SPAG1: variants seen among roughly 807,000 people sequenced by gnomAD.
The protein encoded by SPAG1 is sperm associated antigen 1, also known as sperm-associated antigen 1.
In SPAG1, 69 loss-of-function variants were observed where a neutral mutation model predicts 100.5. The ratio of observed to expected loss-of-function variants is 0.69; its 90% CI spans 0.57 to 0.84. The LOEUF (loss-of-function observed/expected upper bound fraction) is 0.84, where lower values mean the gene tolerates loss of function less well. SPAG1 is among the 40% of genes least tolerant of loss of function. The probability of loss-of-function intolerance (pLI) is 0.00; values close to 1 mark genes in which losing one functional copy is unlikely to be tolerated. For missense variants in SPAG1, 955 were observed against 1,133.1 expected, an observed-to-expected ratio of 0.84 and a Z score of 2.26; for synonymous variants, 336 against 411.6, an observed-to-expected ratio of 0.82 and a Z score of 2.22.
intron 13 of SPAG1, among the ~76,000 whole-genome samples, chr8:100,221,542 C>T (rs147784634): frequency 6.6e-6 from 1 of 152,060 alleles, no homozygotes. Context: ...TACACTGTAC[C>T]CCATGCTAGT....
intron 3 of SPAG1, among the ~76,000 whole-genome samples, chr8:100,176,838 C>CCTCTT (rs1320532184): frequency 2.9e-5 from 4 of 137,378 alleles, no homozygotes; most frequent in African/African-American, 7.7e-5. Context: ...CCTCTCCTCT[C>CCTCTT]CTCTTCTCTC....
chr8:100,224,346 A>G (rs973969947), intron 13 of SPAG1, among the ~76,000 whole-genome samples: 18 of 152,204 alleles, frequency 1.2e-4, no homozygotes, highest in African/African-American at 4.8e-5. Context: ...GTTTGAGACC[A>G]GACCGGCCAA....
At chr8:100,190,387 C>T (rs1816763970) in intron 8 of SPAG1, among the ~76,000 whole-genome samples, 2 of 151,152 alleles carry the variant, frequency 1.3e-5, no homozygotes, top group African/African-American at 4.9e-5. Flanking sequence ...TGACTTATTA[C>T]ACAAAGTTCT....
intron 4 of SPAG1, among the ~76,000 whole-genome samples, chr8:100,179,228 C>G (rs1313955816): frequency 6.6e-6 from 1 of 151,898 alleles, no homozygotes; most frequent in Admixed American, 6.6e-5. Context: ...ACTAAAAATA[C>G]AAAAATTAGC....
In SPAG1 at chr8:100,234,209, AT is replaced by A. The variant is rs556871415; in HGVS notation, c.2115+678del. On this transcript the variant is annotated intron_variant, in intron 16 of 18. Coordinates refer to ENST00000388798, the MANE Select transcript of SPAG1 (RefSeq NM_003114.5). ...TTGGAAAATAGTACTTCCTGAAATA[AT>A]TTTTTAAGCTCAATTTTATTAAGGT... Among the ~76,000 whole-genome samples, 56 of 152,254 alleles carry A rather than the reference AT, an allele frequency of 3.7e-4. No homozygotes were observed. In the Middle Eastern group the frequency reaches 0.01, roughly 28 times the overall value.
At chr8:100,168,954 G>A (rs1430754479) in intron 3 of SPAG1, among the ~76,000 whole-genome samples, 4 of 151,284 alleles carry the variant, frequency 2.6e-5, no homozygotes, top group South Asian at 2.1e-4. Context: ...CCCAAAGTGC[G>A]GGGATTACAG....
intron 12 of SPAG1, among the ~76,000 whole-genome samples, chr8:100,219,248 A>G (rs950349912): frequency 6.6e-6 from 1 of 152,238 alleles, no homozygotes; most frequent in African/African-American, 2.4e-5. Flanking sequence ...AAGTTAAAGA[A>G]AGCAGCCCTT....
intron 1 of SPAG1, 141 bp from the exon 2 acceptor site, chr8:100,162,138 G>A (rs1815335670): frequency 1.6e-6 from 1 of 612,098 alleles, no homozygotes; most frequent in African/African-American, 1.9e-5. Context: ...AGACCAGCCT[G>A]GGCAACATAG....
intron 10 of SPAG1, among the ~76,000 whole-genome samples, chr8:100,196,447 T>C (rs1405909500): frequency 6.6e-6 from 1 of 152,222 alleles, no homozygotes; most frequent in Non-Finnish European, 1.5e-5. Context: ...TCATCAGTTT[T>C]AATTTGCATT....
Position 100,190,707 on chromosome 8 carries a change from C to T in SPAG1, c.833-683C>T, listed in dbSNP as rs183726138. ...GGAGACAGAGTCTTGCTCTGTCACC[C>T]AGGCTGGAGTACAGTGGCACAATCT... On this transcript the variant is annotated intron_variant, in intron 8 of 18. Transcript: ENST00000388798. Among the ~76,000 whole-genome samples the T allele has an allele frequency of 3.9e-3, 586 of 148,432 alleles. 3 individuals carry two copies. Among genetic ancestry groups the T allele is most frequent in the African/African-American group, 0.014 (545 of 40,020 alleles).
At chr8:100,188,517 A>G (rs947627036) in intron 8 of SPAG1, among the ~76,000 whole-genome samples, 2 of 152,186 alleles carry the variant, frequency 1.3e-5, no homozygotes, top group Non-Finnish European at 2.9e-5. Context: ...TCTAAATTAA[A>G]TTTGTCCAAA....
At position 100,239,377 on chromosome 8, in the gene SPAG1, G is replaced by A. The variant is rs1819153230; in HGVS notation, c.2253G>A (p.Lys751=). 1 of 1,605,412 alleles carries A rather than the reference G, an allele frequency of 6.2e-7. No homozygotes were observed. The highest frequency in any genetic ancestry group is 1.3e-5 in the African/African-American group (1 of 74,704). The change falls in exon 17 of 19, where the codon AAG becomes AAA. Residue 751 remains lysine, a synonymous_variant. Transcript: ENST00000388798. The surrounding 1 kb of genome is among the most constrained non-coding windows in gnomAD (Gnocchi z 5.0). ...AGACAGCACCATTCAACAAAGAAAA[G>A]GAGAGAAGGAAAATTGAGATTCAAG... ...KDKTAPFNKE[K]ERRKIEIQEV...
intron 11 of SPAG1, 81 bp downstream of exon 11, chr8:100,213,509 G>C (rs1364801851): frequency 9.1e-7 from 1 of 1,104,152 alleles, no homozygotes; most frequent in Non-Finnish European, 1.2e-6. Context: ...TGGGAGAGGC[G>C]CTGCCGCCTC....
chr8:100,188,103 C>T (rs1816662878), intron 8 of SPAG1, among the ~76,000 whole-genome samples: 1 of 152,150 alleles, frequency 6.6e-6, no homozygotes. Flanking sequence ...GATCCACCTG[C>T]TTCAGCCTCC....
Position 100,213,212 on chromosome 8 carries a change from G to T in SPAG1, c.1219G>T (p.Gly407Cys), listed in dbSNP as rs1817809384. 7.0e-7 allele frequency: 1 copy of T among 1,427,410 alleles called. No homozygotes were observed. Among genetic ancestry groups the T allele is most frequent in the Admixed American group, 2.8e-5 (1 of 35,906 alleles). 88.4% of individuals were successfully genotyped at this position (1,427,410 alleles called of 1,614,324 possible). A position where few individuals can be genotyped will look rare whatever the true frequency, so the allele number is the denominator to read the frequency against. ...KRPARGAPQRGQTPEAGADKR... is the reference protein window; with the variant it reads ...KRPARGAPQRCQTPEAGADKR... ...GCCGGCAAGGGGCGCGCCGCAGCGG[G>T]GCCAGACCCCGGAGGCCGGCGCGGA... Residue 407 changes from glycine (G) to cysteine (C), a missense_variant, in exon 11 of 19, where the codon GGC becomes TGC. Transcript: ENST00000388798.
chr8:100,165,419 C>G (rs1377511021), intron 2 of SPAG1: 1 of 433,364 alleles, frequency 2.3e-6, no homozygotes, highest in African/African-American at 2.0e-5. Context: ...GAACAGAGTA[C>G]TTTGTACGCC....
chr8:100,229,552 T>C (rs181710727), intron 14 of SPAG1, among the ~76,000 whole-genome samples: 2 of 152,338 alleles, frequency 1.3e-5, no homozygotes, highest in African/African-American at 4.8e-5. Flanking sequence ...TGAGCCAGTC[T>C]CTTTTATGAG....
At position 100,240,603 on chromosome 8, in the gene SPAG1, T is replaced by C; in HGVS notation, c.2481T>C (p.His827=). The change falls in exon 18 of 19, where the codon CAT becomes CAC. Residue 827 remains histidine, a synonymous_variant. Transcript: ENST00000388798. Reference sequence around the variant, plus strand: ...GGAAGGATAAAGAAGCCTGTGCACATCTTTTAGCCATCACTGCACCAAAAG... The same window carrying C: ...GGAAGGATAAAGAAGCCTGTGCACACCTTTTAGCCATCACTGCACCAAAAG... ...STRKDKEACA[H]LLAITAPKDL... The C allele has an allele frequency of 6.2e-7, 1 of 1,614,172 alleles. No individual in the cohort carries two copies. The highest frequency in any genetic ancestry group is 8.5e-7 in the Non-Finnish European group (1 of 1,180,010).
chr8:100,162,261 T>A lies in SPAG1; in HGVS notation c.-2-18T>A. The A allele has an allele frequency of 8.3e-6, 13 of 1,562,718 alleles. No homozygotes were observed. Among genetic ancestry groups the A allele is most frequent in the Non-Finnish European group, 1.1e-5 (13 of 1,148,052 alleles). On this transcript the variant is annotated intron_variant, in intron 1 of 18. Coordinates refer to ENST00000388798, the MANE Select transcript of SPAG1 (RefSeq NM_003114.5). ...TATTTATACATTAGATTAATAACTT[T>A]TAAATATTGTATTTCAGCTATGACC...
Sources: allele counts gnomAD v4.1 joint callset (sites outside exome capture counted in the v4.1 genomes callset), GRCh38; gene constraint gnomAD v4.1.1; non-coding constraint Gnocchi (gnomAD v3.1); transcripts MANE v1.5; gene names NCBI Gene and HGNC (gene_info 2026-07-23, HGNC 2026-07-21).